The following GOLGA2 variants were observed in gnomAD, a reference collection of about 807,000 sequenced individuals.
The protein encoded by GOLGA2 is golgin A2.
GOLGA2 carries 49 observed loss-of-function variants against 148.8 expected under a neutral mutation model. The observed-to-expected ratio is 0.33, with a 90% CI of 0.26 to 0.42. The LOEUF is 0.42. GOLGA2 is among the 10% of genes least tolerant of loss of function. The pLI is 1.00. For synonymous variants in GOLGA2, 501 were observed against 511.8 expected (o/e 0.98, Z 0.28); for missense variants, 1,178 against 1,304.6 (o/e 0.90, Z 1.49).
Position 128,268,018 on chromosome 9 carries a change from G to A in GOLGA2, c.438-21C>T, listed in dbSNP as rs372457150. ...AAGTCCTAGGGATGGAGACACAGGG[G>A]TCAGGGGTGCAGGTGGCTCAATGGG... On this transcript the variant is annotated intron_variant, in intron 5 of 26. Coordinates refer to ENST00000611957, the MANE Select transcript of GOLGA2 (RefSeq NM_001366244.2). 6 of 1,611,732 alleles carry A rather than the reference G, an allele frequency of 3.7e-6. No individual in the cohort carries two copies. In the African/African-American group the frequency reaches 8.0e-5, roughly 22 times the overall value.
rs374110365 is a variant in GOLGA2, at chr9:128,266,362, G to T, written c.643-37C>A. The T allele has an allele frequency of 3.8e-6, 6 of 1,585,968 alleles. No individual in the cohort carries two copies. In the African/African-American group the frequency reaches 5.4e-5, roughly 14 times the overall value. Reference sequence around the variant, plus strand: ...AGTCAAAGGAAGGTGACTGAGGGTGGCCCCCTCAACTCTATTCCCCAGACC... The same window carrying T: ...AGTCAAAGGAAGGTGACTGAGGGTGTCCCCCTCAACTCTATTCCCCAGACC... On this transcript the variant is annotated intron_variant, in intron 8 of 26. Transcript: ENST00000611957. The surrounding 1 kb of genome is among the most constrained non-coding windows in gnomAD (Gnocchi z 4.2).
Position 128,266,524 on chromosome 9 carries a change from A to C in GOLGA2, c.643-199T>G. On this transcript the variant is annotated intron_variant, in intron 8 of 26. Coordinates refer to ENST00000611957, the MANE Select transcript of GOLGA2 (RefSeq NM_001366244.2). This position sits in a 1 kb window ranked among gnomAD's most constrained non-coding sequence, Gnocchi z 4.2. ...TCTTTGTTGGTTTTTGCCCACAGCCACAGAACTGAAAGTCTGAATCTCGAT... is the reference window on the plus strand; with the variant it reads ...TCTTTGTTGGTTTTTGCCCACAGCCCCAGAACTGAAAGTCTGAATCTCGAT... 1.6e-6 allele frequency: 1 copy of C among 607,928 alleles called. No homozygotes were observed. Among genetic ancestry groups the C allele is most frequent in the Non-Finnish European group, 2.9e-6 (1 of 343,300 alleles). 37.7% of individuals were successfully genotyped at this position (607,928 alleles called of 1,614,324 possible). A position where few individuals can be genotyped will look rare whatever the true frequency, so the allele number is the denominator to read the frequency against.
chr9:128,261,281 A>G lies in GOLGA2; in HGVS notation c.1333-22T>C, dbSNP rs1220225916. 5 of 1,585,108 alleles carry G rather than the reference A, an allele frequency of 3.2e-6. No individual in the cohort carries two copies. Among genetic ancestry groups the G allele is most frequent in the Middle Eastern group, 1.7e-4 (1 of 6,042 alleles). ...GCACCTGCCCAAAGCACAGCAAGAA[A>G]GGGCCCTGGAGAGGGGCTGGTGGCT... is the stretch of plus-strand genomic sequence containing the variant. On this transcript the variant is annotated intron_variant, in intron 16 of 26. Coordinates refer to ENST00000611957, the MANE Select transcript of GOLGA2 (RefSeq NM_001366244.2). The surrounding 1 kb of genome is among the most constrained non-coding windows in gnomAD (Gnocchi z 5.7).
chr9:128,264,410 ATTATTTAT>A lies in GOLGA2; in HGVS notation c.933+1167_933+1174del, dbSNP rs145554370. 4.1e-3 allele frequency among the ~76,000 whole-genome samples: 600 copies of A among 146,310 alleles called. 1 individual carries two copies. Among genetic ancestry groups the A allele is most frequent in the Non-Finnish European group, 6.5e-3 (433 of 66,602 alleles). ...CCATCATGCCTGGCTAATTTTTGTT[ATTATTTAT>A]TTATTTATTTATTTATTTATTTATT... On this transcript the variant is annotated intron_variant, in intron 12 of 26. Coordinates refer to ENST00000611957, the MANE Select transcript of GOLGA2 (RefSeq NM_001366244.2).
chr9:128,267,617 T>C (rs559918681), intron 6 of GOLGA2, 100 bp from the exon 7 acceptor site: 1 of 901,692 alleles, frequency 1.1e-6, no homozygotes, highest in South Asian at 1.4e-5. Context: ...TTTTCTTTTC[T>C]AACTTGGACC....
At chr9:128,264,934 A>C (rs1475715811) in intron 12 of GOLGA2, among the ~76,000 whole-genome samples, 1 of 152,234 alleles carries the variant, frequency 6.6e-6, no homozygotes, top group Non-Finnish European at 1.5e-5. Context: ...ACGGAATATT[A>C]GAGGTTAAGT....
In GOLGA2 at chr9:128,259,212, G is replaced by C; in HGVS notation, c.2052C>G (p.Gly684=). Residue 684 remains glycine (G), a synonymous_variant, in exon 20 of 27, where the codon GGC becomes GGG. Transcript: ENST00000611957. ...GGCGGGCCATCTCGGCCACCGCTTT[G>C]CCCTGAGCTTCCTGCTGCTGCAGCT... ...VDQLQQQEAQ[G]KAVAEMARQE... 1 of 1,590,752 alleles carries C rather than the reference G, an allele frequency of 6.3e-7. No individual in the cohort carries two copies. Among genetic ancestry groups the C allele is most frequent in the Non-Finnish European group, 8.6e-7 (1 of 1,168,868 alleles).
rs199685012 is a variant in GOLGA2 at position 128,257,210 on chromosome 9, C to G, written c.2947G>C (p.Asp983His). ...ATGATCTGCTGTGCAGTGGGGTTGT[C>G]ACGGGGAGAACCCTCCCTGGCCTCT... is the stretch of plus-strand genomic sequence containing the variant. The part of the protein sequence containing the change: ...QGEAREGSPR[D>H]NPTAQQIMQL... Residue 983 changes from aspartate (D) to histidine (H), a missense_variant, in exon 27 of 27, where the codon GAC becomes CAC. Transcript: ENST00000611957. The surrounding 1 kb of genome is among the most constrained non-coding windows in gnomAD (Gnocchi z 8.0). The G allele has an allele frequency of 1.6e-4, 261 of 1,613,894 alleles. 1 individual carries two copies. The highest frequency in any genetic ancestry group is 2.0e-4 in the Non-Finnish European group (240 of 1,180,024).
At position 128,257,213 on chromosome 9, in the gene GOLGA2, G is replaced by A. The variant is rs376582044; in HGVS notation, c.2944C>T (p.Arg982Cys). The change falls in exon 27 of 27, where the codon CGT (arginine) becomes TGT (cysteine). Residue 982 changes from arginine to cysteine, a missense_variant. Arg to Cys is a radical substitution (Grantham distance 180). Transcript: ENST00000611957. This position sits in a 1 kb window ranked among gnomAD's most constrained non-coding sequence, Gnocchi z 8.0. Reference protein sequence around the residue: ...AQGEAREGSPRDNPTAQQIMQ... With the variant: ...AQGEAREGSPCDNPTAQQIMQ... ...ATCTGCTGTGCAGTGGGGTTGTCAC[G>A]GGGAGAACCCTCCCTGGCCTCTCCT... 1.5e-5 allele frequency: 25 copies of A among 1,613,594 alleles called. 1 individual carries two copies. The highest frequency in any genetic ancestry group is 9.9e-5 in the South Asian group (9 of 91,068).
chr9:128,261,240 T>C lies in GOLGA2; in HGVS notation c.1352A>G (p.Glu451Gly), dbSNP rs1477030319. Reference sequence around the variant, plus strand: ...TACCCGACTCATGCTACATTCCTTCTCCTCTCTCAATGTGTGCACCTGCCC... The same window carrying C: ...TACCCGACTCATGCTACATTCCTTCCCCTCTCTCAATGTGTGCACCTGCCC... ...MSEQVHTLRE[E>G]KECSMSRVQE... The change falls in exon 17 of 27, where the codon GAG (glutamate) becomes GGG (glycine). Residue 451 changes from glutamate to glycine, a missense_variant. Glu to Gly is a moderately conservative substitution (Grantham distance 98, BLOSUM62 -2). Coordinates refer to ENST00000611957, the MANE Select transcript of GOLGA2 (RefSeq NM_001366244.2). This position sits in a 1 kb window ranked among gnomAD's most constrained non-coding sequence, Gnocchi z 5.7. The C allele has an allele frequency of 6.2e-7, 1 of 1,613,692 alleles. No homozygotes were observed. Among genetic ancestry groups the C allele is most frequent in the South Asian group, 1.1e-5 (1 of 91,074 alleles).
intron 10 of GOLGA2, 23 bp downstream of exon 10, chr9:128,265,947 G>A (rs12345218): frequency 0.069 from 110,777 of 1,608,758 alleles, 5,355 homozygotes; most frequent in East Asian, 0.25. Context: ...AGGACAGGAC[G>A]GAACTTCACA....
At chr9:128,273,641 G>T in intron 2 of GOLGA2, 2 of 580,110 alleles carry the variant, frequency 3.4e-6, no homozygotes, top group South Asian at 5.4e-5. Flanking sequence ...CTTCACAAGT[G>T]TAAGTAAAAC....
intron 12 of GOLGA2, among the ~76,000 whole-genome samples, chr9:128,264,878 A>G (rs186066115): frequency 1.4e-3 from 218 of 152,322 alleles, no homozygotes; most frequent in Non-Finnish European, 2.2e-3. Context: ...CATAACCACC[A>G]CATGAGACAG....
In GOLGA2 at chr9:128,257,859, C is replaced by A. The variant is rs997381135; in HGVS notation, c.2542G>T (p.Asp848Tyr). 1 of 1,614,086 alleles carries A rather than the reference C, an allele frequency of 6.2e-7. No individual in the cohort carries two copies. Among genetic ancestry groups the A allele is most frequent in the African/African-American group, 1.3e-5 (1 of 74,950 alleles). Reference protein sequence around the residue: ...RFMELMQEKADLKERVEELEH... With the variant: ...RFMELMQEKAYLKERVEELEH... ...AGTTCCTCTACCCTCTCCTTCAGGT[C>A]TGCCTTCTCCTGCATGAGCTCCATA... Residue 848 changes from aspartate to tyrosine, a missense_variant, in exon 24 of 27, where the codon GAC (aspartate) becomes TAC (tyrosine). Physicochemically the swap from Asp to Tyr is radical, Grantham distance 160. This residue lies in a region of GOLGA2 where 529 missense variants were observed against 521.8 expected (regional missense o/e 1.01). Coordinates refer to ENST00000611957, the MANE Select transcript of GOLGA2 (RefSeq NM_001366244.2). This position sits in a 1 kb window ranked among gnomAD's most constrained non-coding sequence, Gnocchi z 8.0.
At chr9:128,262,521 C>A in intron 14 of GOLGA2, 42 bp downstream of exon 14, 1 of 1,592,510 alleles carries the variant, frequency 6.3e-7, no homozygotes, top group Non-Finnish European at 8.6e-7. Flanking sequence ...ATGGCCCCAG[C>A]TGGATGGCGC....
chr9:128,263,430 T>C (rs1830396423), intron 12 of GOLGA2, among the ~76,000 whole-genome samples: 1 of 152,098 alleles, frequency 6.6e-6, no homozygotes, highest in Non-Finnish European at 1.5e-5. Context: ...TGTTTTGTTT[T>C]GTTTTTTCTG....
At position 128,261,053 on chromosome 9, in the gene GOLGA2, G is replaced by C. The variant is rs1450041971; in HGVS notation, c.1420+119C>G. On this transcript the variant is annotated intron_variant, in intron 17 of 26. Coordinates refer to ENST00000611957, the MANE Select transcript of GOLGA2 (RefSeq NM_001366244.2). This position sits in a 1 kb window ranked among gnomAD's most constrained non-coding sequence, Gnocchi z 5.7. The stretch of plus-strand genomic sequence containing the variant: ...ACGAGACTTGCCATCTCCTGGCACA[G>C]ACCTCTTTCCCTCTGCCTCAAAGCC... 7 of 794,730 alleles carry C rather than the reference G, an allele frequency of 8.8e-6. No individual in the cohort carries two copies. The highest frequency in any genetic ancestry group is 1.7e-5 in the African/African-American group (1 of 59,228). 49.2% of individuals were successfully genotyped at this position (794,730 alleles called of 1,614,324 possible).
chr9:128,264,670 C>T (rs576109374), intron 12 of GOLGA2, among the ~76,000 whole-genome samples: 1 of 152,270 alleles, frequency 6.6e-6, no homozygotes, highest in East Asian at 1.9e-4. Flanking sequence ...TCAGTTGACC[C>T]ACCTGCCTCG....
rs775957169 is a variant in GOLGA2 at position 128,265,733 on chromosome 9, C to T, written c.827-42G>A. 4 of 1,611,026 alleles carry T rather than the reference C, an allele frequency of 2.5e-6. No homozygotes were observed. The South Asian group carries it at 3.3e-5, about 13-fold the overall frequency. On this transcript the variant is annotated intron_variant, in intron 11 of 26. Coordinates refer to ENST00000611957, the MANE Select transcript of GOLGA2 (RefSeq NM_001366244.2). ...TGAGATGGGGCCCAAAGGACTCCCC[C>T]TAAAGGCCTGTCAAAGTGCCAGGTT...
Sources: gnomAD v4.1 joint callset for allele counts (sites outside exome capture counted in the v4.1 genomes callset) on GRCh38, gnomAD v4.1.1 for gene constraint, gnomAD v4.1.1 regional missense constraint, Gnocchi (gnomAD v3.1) non-coding constraint, MANE v1.5 for transcripts, NCBI Gene and HGNC (gene_info 2026-07-23, HGNC 2026-07-21) for gene names.